DTL: variants seen among roughly 807,000 people sequenced by gnomAD.
DTL encodes the protein denticleless protein homolog.
A neutral mutation model predicts 87.0 loss-of-function variants in DTL; 46 were observed. The ratio of observed to expected loss-of-function variants is 0.53; its 90% CI spans 0.42 to 0.68. The LOEUF (loss-of-function observed/expected upper bound fraction) is 0.68, where lower values mean the gene tolerates loss of function less well. Ranked by LOEUF, DTL falls within the 30% of genes least tolerant of loss-of-function variation. The pLI, the probability that DTL is intolerant of heterozygous loss-of-function variation, is 0.00. For synonymous variants in DTL, 308 were observed against 311.2 expected (o/e 0.99, Z 0.11); for missense variants, 737 against 869.4 (o/e 0.85, Z 1.91).
chr1:212,052,528 T>C (rs948670563), intron 5 of DTL, among the ~76,000 whole-genome samples: 3 of 150,988 alleles, frequency 2.0e-5, no homozygotes, highest in Admixed American at 6.6e-5. Flanking sequence ...TCCCAGCTAC[T>C]CAGGAGGTTG....
chr1:212,086,691 AGTACT>A (rs1237677290), intron 13 of DTL, among the ~76,000 whole-genome samples: 1 of 152,202 alleles, frequency 6.6e-6, no homozygotes. Flanking sequence ...CCCAGCCTTA[AGTACT>A]TTCTATGTTA....
In DTL at chr1:212,072,099, A is replaced by G. The variant is rs758170384; in HGVS notation, c.923-2A>G. ...AGTAATTTGGTTTTTTTCCTCTGGC[A>G]GTGGCTATTTTCAATGGACACCAGA... On this transcript the variant is annotated splice_acceptor_variant, in intron 10 of 14. Coordinates refer to ENST00000366991, the MANE Select transcript of DTL (RefSeq NM_016448.4). LOFTEE classifies it high-confidence loss of function. 8 of 1,612,530 alleles carry G rather than the reference A, an allele frequency of 5.0e-6. No homozygotes were observed. Among genetic ancestry groups the G allele is most frequent in the East Asian group, 2.2e-5 (1 of 44,838 alleles).
intron 1 of DTL, among the ~76,000 whole-genome samples, chr1:212,041,734 T>G (rs1359251657): frequency 1.3e-5 from 2 of 152,080 alleles, no homozygotes; most frequent in African/African-American, 2.4e-5. Context: ...ATGGTCTCGA[T>G]CTCCTGACCT....
intron 8 of DTL, among the ~76,000 whole-genome samples, chr1:212,067,922 A>G (rs1380691139): frequency 6.6e-6 from 1 of 152,210 alleles, no homozygotes; most frequent in Non-Finnish European, 1.5e-5. Flanking sequence ...TATTTTCTAA[A>G]AACAATGGAA....
intron 10 of DTL, among the ~76,000 whole-genome samples, chr1:212,070,138 C>G (rs1488244749): frequency 6.6e-6 from 1 of 152,142 alleles, no homozygotes; most frequent in African/African-American, 2.4e-5. Context: ...ATTATATTAT[C>G]AGATGTACAA....
At chr1:212,075,179 T>G (rs1051579757) in intron 11 of DTL, among the ~76,000 whole-genome samples, 1 of 152,210 alleles carries the variant, frequency 6.6e-6, no homozygotes, top group Non-Finnish European at 1.5e-5. Flanking sequence ...GAAGAGATTT[T>G]GTGAGGAAAA....
chr1:212,092,533 C>T (rs1655315369), intron 13 of DTL, among the ~76,000 whole-genome samples: 1 of 148,170 alleles, frequency 6.7e-6, no homozygotes, highest in South Asian at 2.1e-4. Context: ...GAGACTCCGT[C>T]TAAAAAAAAA....
chr1:212,042,699 T>C (rs529273358), intron 1 of DTL, among the ~76,000 whole-genome samples: 1 of 152,316 alleles, frequency 6.6e-6, no homozygotes, highest in African/African-American at 2.4e-5. Flanking sequence ...GGAAGATCTT[T>C]CTTAATATGC....
At chr1:212,039,109 A>C (rs1362826186) in intron 1 of DTL, among the ~76,000 whole-genome samples, 1 of 152,176 alleles carries the variant, frequency 6.6e-6, no homozygotes, top group Non-Finnish European at 1.5e-5. Context: ...CTTCTGTGTC[A>C]AAAAATGTGT....
intron 5 of DTL, among the ~76,000 whole-genome samples, chr1:212,057,968 A>G: frequency 6.6e-6 from 1 of 152,222 alleles, no homozygotes; most frequent in East Asian, 1.9e-4. Flanking sequence ...TGTCAAAAGC[A>G]GTAAGAAGAA....
chr1:212,068,875 T>A (rs1654589092), intron 10 of DTL, among the ~76,000 whole-genome samples, 172 bp downstream of exon 10: 1 of 152,238 alleles, frequency 6.6e-6, no homozygotes, highest in Non-Finnish European at 1.5e-5. Context: ...CTTGTGATGA[T>A]TTCATAAGTT....
chr1:212,042,376 C>A (rs954771099), intron 1 of DTL, among the ~76,000 whole-genome samples: 54 of 152,342 alleles, frequency 3.5e-4, no homozygotes, highest in African/African-American at 1.2e-3. Context: ...TGACCCACTA[C>A]CACTAGCCAG....
intron 5 of DTL, among the ~76,000 whole-genome samples, chr1:212,050,958 C>A (rs1391030736): frequency 1.3e-5 from 2 of 151,998 alleles, no homozygotes; most frequent in African/African-American, 4.8e-5. Flanking sequence ...TATAGAATTT[C>A]AATAAAAGTC....
chr1:212,100,144 C>T lies in DTL; in HGVS notation c.1262-108C>T, dbSNP rs1655572020. The T allele has an allele frequency of 9.1e-6, 7 of 771,748 alleles. No homozygotes were observed. The East Asian group carries it at 1.9e-4, about 21-fold the overall frequency. 47.8% of individuals were successfully genotyped at this position (771,748 alleles called of 1,614,324 possible). A position where few individuals can be genotyped will look rare whatever the true frequency, so the allele number is the denominator to read the frequency against. On this transcript the variant is annotated intron_variant, in intron 13 of 14. Transcript: ENST00000366991. ...CAAGTGATGTATACCTACTTACTGG[C>T]AAATTGACCCTTAGATGATTAGGTT... is the stretch of plus-strand genomic sequence containing the variant.
intron 13 of DTL, among the ~76,000 whole-genome samples, chr1:212,094,580 G>GTTTT (rs771990081): frequency 6.6e-6 from 1 of 152,100 alleles, no homozygotes; most frequent in Non-Finnish European, 1.5e-5. Context: ...CTTTGGCTAT[G>GTTTT]TGGGCTGTTT....
chr1:212,073,774 T>C (rs964297403), intron 11 of DTL, among the ~76,000 whole-genome samples: 31 of 152,170 alleles, frequency 2.0e-4, no homozygotes, highest in African/African-American at 7.2e-4. Flanking sequence ...ATAAAGTATA[T>C]ACTTGACTCC....
intron 11 of DTL, among the ~76,000 whole-genome samples, chr1:212,076,789 TA>T (rs538696434): frequency 1.3e-3 from 198 of 152,292 alleles, no homozygotes; most frequent in Non-Finnish European, 2.4e-3. Context: ...AAGTCTTTTC[TA>T]AAATATGTTA....
intron 13 of DTL, among the ~76,000 whole-genome samples, chr1:212,085,676 C>G (rs1655112032): frequency 6.6e-6 from 1 of 152,076 alleles, no homozygotes; most frequent in African/African-American, 2.4e-5. Context: ...TTTCCTTTGT[C>G]ACTTATGCTT....
At chr1:212,086,328 C>T (rs913633987) in intron 13 of DTL, among the ~76,000 whole-genome samples, 7 of 152,054 alleles carry the variant, frequency 4.6e-5, no homozygotes, top group Admixed American at 4.6e-4. Context: ...TCATATGAGG[C>T]CATTAGAGAA....
Sources: gnomAD v4.1 joint callset for allele counts (sites outside exome capture counted in the v4.1 genomes callset) on GRCh38, gnomAD v4.1.1 for gene constraint, MANE v1.5 for transcripts, NCBI Gene and HGNC (gene_info 2026-07-23, HGNC 2026-07-21) for gene names.